The following EIPR1 variants were observed in gnomAD, a reference collection of about 807,000 sequenced individuals.
EIPR1 encodes EARP complex and GARP complex interacting protein 1, also known as EARP and GARP complex-interacting protein 1.
EIPR1 carries 25 observed loss-of-function variants against 48.1 expected under a neutral mutation model. The observed-to-expected ratio is 0.52, with a 90% CI of 0.38 to 0.73. The LOEUF is 0.73. Ranked by LOEUF, EIPR1 falls within the 30% of genes least tolerant of loss-of-function variation. The pLI is 0.00. For missense variants in EIPR1, 415 were observed against 506.2 expected (o/e 0.82, Z 1.73); for synonymous variants, 204 against 201.9 (o/e 1.01, Z -0.09).
chr2:3,349,013 G>A (rs934540797), intron 2 of EIPR1, among the ~76,000 whole-genome samples: 22 of 152,214 alleles, frequency 1.4e-4, no homozygotes, highest in African/African-American at 5.3e-4. Flanking sequence ...GAGCTGTCCT[G>A]ATTTTCAGGA....
At chr2:3,199,364 C>A (rs529835608) in intron 5 of EIPR1, among the ~76,000 whole-genome samples, 1 of 152,044 alleles carries the variant, frequency 6.6e-6, no homozygotes, top group East Asian at 1.9e-4. Flanking sequence ...CCTCAGCTTA[C>A]GAAGATGACG....
chr2:3,370,890 C>A (rs1183225397), intron 1 of EIPR1, among the ~76,000 whole-genome samples: 1 of 152,006 alleles, frequency 6.6e-6, no homozygotes, highest in Non-Finnish European at 1.5e-5. Flanking sequence ...ACAGAGAATG[C>A]CACAAAGATA....
At chr2:3,265,599 C>T (rs1204454571) in intron 3 of EIPR1, among the ~76,000 whole-genome samples, 3 of 152,184 alleles carry the variant, frequency 2.0e-5, no homozygotes, top group East Asian at 3.8e-4. Flanking sequence ...AATGTAACTT[C>T]CTGTGCCGAA....
At chr2:3,295,177 C>A (rs1668513475) in intron 3 of EIPR1, among the ~76,000 whole-genome samples, 1 of 146,010 alleles carries the variant, frequency 6.8e-6, no homozygotes, top group East Asian at 2.1e-4. Flanking sequence ...ACACACCCTC[C>A]ATATAGCTTG....
At chr2:3,266,720 A>G (rs1667500984) in intron 3 of EIPR1, among the ~76,000 whole-genome samples, 3 of 152,192 alleles carry the variant, frequency 2.0e-5, no homozygotes, top group African/African-American at 7.2e-5. Context: ...GCTGGCCGTG[A>G]GCTCCAGAGA....
chr2:3,319,420 GGA>G, intron 3 of EIPR1: 1 of 175,056 alleles, frequency 5.7e-6, no homozygotes, highest in Non-Finnish European at 1.2e-5. Flanking sequence ...GCACTCGATG[GGA>G]GCTGTCATTG....
At chr2:3,345,691 A>G (rs796238607) in intron 2 of EIPR1, among the ~76,000 whole-genome samples, 5 of 152,252 alleles carry the variant, frequency 3.3e-5, no homozygotes, top group African/African-American at 1.2e-4. Context: ...CTCAGAAAGC[A>G]AAGTGGGGTA....
At chr2:3,239,028 A>G (rs983652957) in intron 4 of EIPR1, among the ~76,000 whole-genome samples, 6 of 152,232 alleles carry the variant, frequency 3.9e-5, no homozygotes, top group African/African-American at 1.4e-4. Flanking sequence ...TGTTGAAGGA[A>G]AAAGAAAACA....
chr2:3,370,009 C>G (rs554914738), intron 1 of EIPR1, among the ~76,000 whole-genome samples: 1 of 152,262 alleles, frequency 6.6e-6, no homozygotes, highest in East Asian at 1.9e-4. Flanking sequence ...AGACTGACAC[C>G]TCACACGGCC....
rs199819261 is a variant in EIPR1 at position 3,323,112 on chromosome 2, A to T, written c.259+14905T>A. On this transcript the variant is annotated intron_variant, in intron 3 of 8. Transcript: ENST00000382125. ...AGTTCCTCTCTCTGATTTTTTCTTT[A>T]AAAAAAAAAAACCTAGTCACTGAAG... Among the ~76,000 whole-genome samples, 11 of 45,626 alleles carry T rather than the reference A, an allele frequency of 2.4e-4. No individual in the cohort carries two copies. In the South Asian group the frequency reaches 4.1e-3, roughly 17 times the overall value. 29.9% of individuals were successfully genotyped at this position (45,626 alleles called of 152,430 possible).
chr2:3,257,339 G>A lies in EIPR1; in HGVS notation c.376C>T (p.Leu126Phe). The change falls in exon 4 of 9, where the codon CTC (leucine) becomes TTC (phenylalanine). Residue 126 changes from leucine to phenylalanine, a missense_variant. Coordinates refer to ENST00000382125, the MANE Select transcript of EIPR1 (RefSeq NM_003310.5). ...TGGGCTGTGTTGTCAAGGTGACAGA[G>A]CAGCTCCAGGGTCTGTGCAGTGCTG... ...SSSTAQTLEL[L>F]CHLDNTAHGN... 2 of 1,614,028 alleles carry A rather than the reference G, an allele frequency of 1.2e-6. No homozygotes were observed. The highest frequency in any genetic ancestry group is 2.2e-5 in the East Asian group (1 of 44,886).
chr2:3,197,107 A>C, intron 5 of EIPR1, 90 bp from the exon 6 acceptor site: 1 of 1,379,696 alleles, frequency 7.2e-7, no homozygotes, highest in Non-Finnish European at 9.9e-7. Flanking sequence ...TCGTATACTC[A>C]AGGATATTAT....
At chr2:3,209,365 C>G (rs1038480445) in intron 5 of EIPR1, among the ~76,000 whole-genome samples, 3 of 152,190 alleles carry the variant, frequency 2.0e-5, no homozygotes, top group African/African-American at 7.2e-5. Flanking sequence ...ACAGAAACCA[C>G]GTACTCCAGA....
At chr2:3,198,003 C>T (rs190685707) in intron 5 of EIPR1, among the ~76,000 whole-genome samples, 34 of 152,240 alleles carry the variant, frequency 2.2e-4, no homozygotes, top group Admixed American at 1.2e-3. Flanking sequence ...CAAGATTTAC[C>T]GAGGGGCTTT....
At chr2:3,310,551 G>T in intron 3 of EIPR1, among the ~76,000 whole-genome samples, 1 of 147,612 alleles carries the variant, frequency 6.8e-6, no homozygotes, top group Non-Finnish European at 1.5e-5. Flanking sequence ...TACTTGGGAG[G>T]CTGAGGCAGG....
chr2:3,269,526 TCG>T (rs1558263604), intron 3 of EIPR1, among the ~76,000 whole-genome samples: 11 of 113,790 alleles, frequency 9.7e-5, no homozygotes, highest in South Asian at 3.3e-4. Flanking sequence ...CACTCAATCA[TCG>T]CACTCAGTCA....
chr2:3,214,443 C>G, intron 4 of EIPR1, 195 bp from the exon 5 acceptor site: 1 of 483,432 alleles, frequency 2.1e-6, no homozygotes, highest in South Asian at 2.7e-5. Context: ...CTGAATTGTG[C>G]CCCCCTCCCC....
At chr2:3,315,146 C>A (rs1296624549) in intron 3 of EIPR1, among the ~76,000 whole-genome samples, 1 of 104,004 alleles carries the variant, frequency 9.6e-6, no homozygotes, top group Non-Finnish European at 1.7e-5. Flanking sequence ...TCACTAGCAT[C>A]GCCCCCATGC....
intron 3 of EIPR1, among the ~76,000 whole-genome samples, chr2:3,324,975 C>G (rs1480880541): frequency 6.6e-6 from 1 of 152,230 alleles, no homozygotes; most frequent in East Asian, 1.9e-4. Flanking sequence ...CCACCCTCAG[C>G]AAGGCCAAAG....
Sources: allele counts gnomAD v4.1 joint callset (sites outside exome capture counted in the v4.1 genomes callset), GRCh38; gene constraint gnomAD v4.1.1; transcripts MANE v1.5; gene names NCBI Gene and HGNC (gene_info 2026-07-23, HGNC 2026-07-21).